The following CTIF variants were observed in gnomAD, a reference collection of about 807,000 sequenced individuals.
CTIF encodes the protein CBP80/20-dependent translation initiation factor.
Under a neutral mutation model 66.0 loss-of-function variants are expected in CTIF, and 21 were observed. The observed-to-expected ratio is 0.32, with a 90% CI of 0.23 to 0.46. CTIF has a LOEUF of 0.46. Ranked by LOEUF, CTIF falls within the 20% of genes least tolerant of loss-of-function variation. The probability of loss-of-function intolerance (pLI) is 1.00; values close to 1 mark genes in which losing one functional copy is unlikely to be tolerated. For synonymous variants in CTIF, 345 were observed against 326.4 expected, an observed-to-expected ratio of 1.06 and a Z score of -0.62; for missense variants, 739 against 812.7, an observed-to-expected ratio of 0.91 and a Z score of 1.10.
At chr18:48,804,283 C>T (rs62103293) in intron 9 of CTIF, among the ~76,000 whole-genome samples, 18,272 of 152,200 alleles carry the variant, frequency 0.12, 1,142 homozygotes, top group African/African-American at 0.17. Context: ...ACATGGTCCC[C>T]GTCTCCCTCC....
chr18:48,847,448 T>A (rs765536232), intron 10 of CTIF, among the ~76,000 whole-genome samples: 4 of 152,182 alleles, frequency 2.6e-5, no homozygotes, highest in Non-Finnish European at 5.9e-5. Flanking sequence ...AGACCTGCTG[T>A]CTGTCTGGGT....
chr18:48,725,615 C>A (rs918923559), intron 7 of CTIF, among the ~76,000 whole-genome samples: 15 of 152,174 alleles, frequency 9.9e-5, no homozygotes, highest in African/African-American at 3.4e-4. Flanking sequence ...ACTGCTCCTG[C>A]ATCCCGTTTT....
At chr18:48,673,449 G>T (rs186268448) in intron 6 of CTIF, 18 of 146,346 alleles carry the variant, frequency 1.2e-4, no homozygotes, top group African/African-American at 4.2e-4. Context: ...TGTTGTTAAA[G>T]AAAACAGGAT....
intron 6 of CTIF, among the ~76,000 whole-genome samples, chr18:48,706,039 T>TGA (rs890597153): frequency 3.3e-4 from 50 of 152,202 alleles, no homozygotes; most frequent in African/African-American, 1.2e-3. Context: ...ATTTGTCGAG[T>TGA]GAGAGAGAGA....
intron 9 of CTIF, among the ~76,000 whole-genome samples, chr18:48,788,493 C>G (rs545875074): frequency 7.3e-4 from 111 of 151,306 alleles, no homozygotes; most frequent in African/African-American, 2.7e-3. Flanking sequence ...AATCCTGTGA[C>G]TGTGTTCCTC....
intron 6 of CTIF, among the ~76,000 whole-genome samples, chr18:48,683,484 C>T (rs1028608023): frequency 3.3e-5 from 5 of 151,398 alleles, no homozygotes; most frequent in Non-Finnish European, 7.4e-5. Flanking sequence ...GGAGTGCTGG[C>T]CTTGCCCTCC....
intron 1 of CTIF, among the ~76,000 whole-genome samples, chr18:48,563,098 C>T (rs1280799143): frequency 1.3e-5 from 2 of 152,232 alleles, no homozygotes; most frequent in Non-Finnish European, 2.9e-5. Flanking sequence ...AGGTGGGAGC[C>T]TGGGGCTGCA....
intron 7 of CTIF, among the ~76,000 whole-genome samples, chr18:48,748,928 A>G (rs1465359316): frequency 6.6e-6 from 1 of 152,162 alleles, no homozygotes; most frequent in Admixed American, 6.5e-5. Context: ...CCCATGAGAA[A>G]GTTCCTTCAT....
intron 1 of CTIF, among the ~76,000 whole-genome samples, chr18:48,586,810 C>T (rs977296766): frequency 1.3e-5 from 2 of 152,142 alleles, no homozygotes; most frequent in Non-Finnish European, 2.9e-5. Flanking sequence ...TATCTCTACC[C>T]AGACTCAGAG....
intron 1 of CTIF, among the ~76,000 whole-genome samples, chr18:48,545,506 C>T (rs941387184): frequency 1.3e-5 from 2 of 152,154 alleles, no homozygotes; most frequent in Non-Finnish European, 2.9e-5. Flanking sequence ...GCAGTGATTA[C>T]TTAGACTTGG....
In CTIF at chr18:48,607,403, A is replaced by G. The variant is rs541359789; in HGVS notation, c.-28-12135A>G. Among the ~76,000 whole-genome samples the G allele has an allele frequency of 2.0e-5, 3 of 152,350 alleles. No individual in the cohort carries two copies. The South Asian group carries it at 6.2e-4, about 32-fold the overall frequency. On this transcript the variant is annotated intron_variant, in intron 1 of 11. Coordinates refer to ENST00000256413, the MANE Select transcript of CTIF (RefSeq NM_014772.3). The stretch of plus-strand genomic sequence containing the variant: ...AGAGGGGCCTGCCCTCTGACACCCA[A>G]GCTGTGTCTGCTGGGTCCACTTGTA...
At chr18:48,548,795 A>G (rs774561153) in intron 1 of CTIF, among the ~76,000 whole-genome samples, 14 of 152,224 alleles carry the variant, frequency 9.2e-5, no homozygotes, top group Non-Finnish European at 1.6e-4. Context: ...GTGGACACAC[A>G]TGGTATCTGC....
chr18:48,851,957 G>A (rs968989222), intron 10 of CTIF, among the ~76,000 whole-genome samples: 2 of 152,048 alleles, frequency 1.3e-5, no homozygotes, highest in Admixed American at 6.5e-5. Flanking sequence ...GCCTAGGTGG[G>A]GTGGTTCATG....
intron 3 of CTIF, among the ~76,000 whole-genome samples, chr18:48,646,744 CAAAA>C (rs60714827): frequency 8.4e-6 from 1 of 119,432 alleles, no homozygotes; most frequent in Non-Finnish European, 1.8e-5. Context: ...GACCCTGTCT[CAAAA>C]AAAAAAAAGA....
At chr18:48,707,433 C>T (rs117567124) in intron 6 of CTIF, among the ~76,000 whole-genome samples, 2,322 of 152,288 alleles carry the variant, frequency 0.015, 36 homozygotes, top group Admixed American at 0.033. Context: ...CTTTTCCAGC[C>T]GCATCTTAAC....
intron 7 of CTIF, among the ~76,000 whole-genome samples, chr18:48,722,825 T>C (rs1214077400): frequency 2.0e-5 from 3 of 152,208 alleles, no homozygotes; most frequent in African/African-American, 7.2e-5. Context: ...CTCATAGGTG[T>C]AAGCACTTGG....
At chr18:48,751,503 C>T (rs986936446) in intron 7 of CTIF, among the ~76,000 whole-genome samples, 1 of 152,204 alleles carries the variant, frequency 6.6e-6, no homozygotes, top group African/African-American at 2.4e-5. Flanking sequence ...TACCTCCCCT[C>T]CCCAGACCAC....
chr18:48,665,495 A>G (rs1305702181), intron 5 of CTIF, among the ~76,000 whole-genome samples: 1 of 152,244 alleles, frequency 6.6e-6, no homozygotes, highest in African/African-American at 2.4e-5. Flanking sequence ...TTCCCATACC[A>G]TAAAATTAAC....
chr18:48,583,277 A>C (rs1181662428), intron 1 of CTIF, among the ~76,000 whole-genome samples: 1 of 152,224 alleles, frequency 6.6e-6, no homozygotes, highest in Non-Finnish European at 1.5e-5. Flanking sequence ...AGGAAGGACA[A>C]GGAGGCAGAG....
Sources: allele counts gnomAD v4.1 joint callset (sites outside exome capture counted in the v4.1 genomes callset), GRCh38; gene constraint gnomAD v4.1.1; transcripts MANE v1.5; gene names NCBI Gene and HGNC (gene_info 2026-07-23, HGNC 2026-07-21).